Variants in SORCS2 observed in about 807,000 individuals in gnomAD.
SORCS2 encodes sortilin related VPS10 domain containing receptor 2, also known as VPS10 domain-containing receptor SorCS2.
In SORCS2, 100 loss-of-function variants were observed where a neutral mutation model predicts 141.6. That is an observed-to-expected ratio of 0.71 (90% CI 0.60 to 0.83). The LOEUF (loss-of-function observed/expected upper bound fraction) is 0.83. Ranked by LOEUF, SORCS2 falls within the 40% of genes least tolerant of loss-of-function variation. SORCS2 has a pLI of 0.00. For missense variants in SORCS2, 1,646 were observed against 1,560.2 expected (o/e 1.05, Z -0.93); for synonymous variants, 789 against 676.9 (o/e 1.17, Z -2.57).
chr4:7,729,221 T>G (rs542565993), intron 22 of SORCS2, among the ~76,000 whole-genome samples: 20 of 152,138 alleles, frequency 1.3e-4, no homozygotes, highest in African/African-American at 4.6e-4. Context: ...TGGGGCCCGG[T>G]CACAGACCTG....
intron 3 of SORCS2, among the ~76,000 whole-genome samples, chr4:7,534,700 A>G (rs1711964108): frequency 6.6e-6 from 1 of 152,144 alleles, no homozygotes; most frequent in African/African-American, 2.4e-5. Flanking sequence ...GCCACAAGCC[A>G]AGGAAAGCAG....
At chr4:7,278,500 C>T (rs1236591684) in intron 1 of SORCS2, among the ~76,000 whole-genome samples, 1 of 152,228 alleles carries the variant, frequency 6.6e-6, no homozygotes, top group South Asian at 2.1e-4. Flanking sequence ...CTTAGCCCTC[C>T]CTTTCCCACA....
At chr4:7,452,554 G>A (rs933896746) in intron 2 of SORCS2, among the ~76,000 whole-genome samples, 1 of 152,206 alleles carries the variant, frequency 6.6e-6, no homozygotes, top group African/African-American at 2.4e-5. Context: ...CGGGAGCCCT[G>A]CCCCAGCCTT....
chr4:7,356,633 C>A (rs907613393), intron 1 of SORCS2, among the ~76,000 whole-genome samples: 1 of 152,240 alleles, frequency 6.6e-6, no homozygotes, highest in African/African-American at 2.4e-5. Flanking sequence ...TACCGTTACA[C>A]TGGGAATTAG....
At chr4:7,631,289 G>T (rs1719876184) in intron 3 of SORCS2, among the ~76,000 whole-genome samples, 1 of 151,400 alleles carries the variant, frequency 6.6e-6, no homozygotes, top group African/African-American at 2.4e-5. Flanking sequence ...CCAAGCAGGA[G>T]ACCAGATGGG....
intron 1 of SORCS2, among the ~76,000 whole-genome samples, chr4:7,344,076 G>T (rs1201180904): frequency 6.6e-6 from 1 of 152,240 alleles, no homozygotes; most frequent in African/African-American, 2.4e-5. Context: ...GACACGGGAG[G>T]TATGGGGTGG....
intron 2 of SORCS2, among the ~76,000 whole-genome samples, chr4:7,402,635 G>A (rs1724664753): frequency 6.6e-6 from 1 of 152,194 alleles, no homozygotes; most frequent in Non-Finnish European, 1.5e-5. Flanking sequence ...CCAGTCAGAT[G>A]CTTGGATAGG....
At chr4:7,445,222 C>T (rs61602936) in intron 2 of SORCS2, among the ~76,000 whole-genome samples, 31,668 of 151,972 alleles carry the variant, frequency 0.21, 3,801 homozygotes, top group African/African-American at 0.35. Context: ...GGCACCCTTG[C>T]AACAGATACT....
Position 7,676,042 on chromosome 4 carries a change from C to A in SORCS2, c.1162-8C>A. The A allele has an allele frequency of 6.4e-7, 1 of 1,573,118 alleles. No individual in the cohort carries two copies. The highest frequency in any genetic ancestry group is 1.2e-5 in the South Asian group (1 of 85,560). The stretch of plus-strand genomic sequence containing the variant: ...CTCTGACCCTGTGCTCCCTGCACAT[C>A]CCCACAGGATCTGCAGATCATCAGC... On this transcript the variant is annotated splice_region_variant and splice_polypyrimidine_tract_variant and intron_variant, in intron 8 of 26. Coordinates refer to ENST00000507866, the MANE Select transcript of SORCS2 (RefSeq NM_020777.3).
intron 2 of SORCS2, among the ~76,000 whole-genome samples, chr4:7,529,223 T>C (rs985167260): frequency 6.6e-6 from 1 of 152,170 alleles, no homozygotes; most frequent in Non-Finnish European, 1.5e-5. Flanking sequence ...AAACATCACC[T>C]TGTCTAAGGG....
chr4:7,496,465 G>C (rs55921181), intron 2 of SORCS2, among the ~76,000 whole-genome samples: 50 of 83,572 alleles, frequency 6.0e-4, no homozygotes, highest in African/African-American at 2.1e-3. Flanking sequence ...CCCGTCCCCC[G>C]TCCCCCGTCC....
At chr4:7,549,168 G>T (rs950765582) in intron 3 of SORCS2, among the ~76,000 whole-genome samples, 1 of 152,134 alleles carries the variant, frequency 6.6e-6, no homozygotes, top group South Asian at 2.1e-4. Context: ...CCCAGCAAGC[G>T]ATGCTGCTCT....
rs541427096 is a variant in SORCS2 at position 7,505,289 on chromosome 4, G to A, written c.549-26241G>A. On this transcript the variant is annotated intron_variant, in intron 2 of 26. Coordinates refer to ENST00000507866, the MANE Select transcript of SORCS2 (RefSeq NM_020777.3). ...CCAGTGGGGCAGCTGGGGCTTCCAC[G>A]GAGGGACATAGGTGGCCGGCGGGGA... 7.2e-4 allele frequency among the ~76,000 whole-genome samples: 110 copies of A among 152,318 alleles called. No individual in the cohort carries two copies. The East Asian group carries it at 0.015, about 20-fold the overall frequency.
In SORCS2 at chr4:7,718,138, C is replaced by T. The variant is rs561816984; in HGVS notation, c.2379C>T (p.Ala793=). 5.6e-6 allele frequency: 9 copies of T among 1,611,682 alleles called. No individual in the cohort carries two copies. Among genetic ancestry groups the T allele is most frequent in the African/African-American group, 1.3e-5 (1 of 74,860 alleles). Residue 793 remains alanine, a synonymous_variant, in exon 18 of 27, where the codon GCC becomes GCT. Coordinates refer to ENST00000507866, the MANE Select transcript of SORCS2 (RefSeq NM_020777.3). ...TCAGCATTCAAGGCGAGGCGGTGGC[C>T]GTGCGGCCTGGAGAGGACGTCCTGT... ...LQVSIQGEAV[A]VRPGEDVLFV...
intron 2 of SORCS2, among the ~76,000 whole-genome samples, chr4:7,463,288 G>A (rs2109328569): frequency 6.6e-6 from 1 of 152,300 alleles, no homozygotes; most frequent in East Asian, 1.9e-4. Flanking sequence ...CAGAAAATGG[G>A]GCTGTGGTAT....
At chr4:7,696,916 A>C (rs1057060476) in intron 11 of SORCS2, among the ~76,000 whole-genome samples, 1 of 152,082 alleles carries the variant, frequency 6.6e-6, no homozygotes, top group African/African-American at 2.4e-5. Flanking sequence ...CATGCTTCTT[A>C]TTTGTGGACC....
At chr4:7,291,854 C>T (rs1390475070) in intron 1 of SORCS2, among the ~76,000 whole-genome samples, 1 of 152,228 alleles carries the variant, frequency 6.6e-6, no homozygotes, top group Non-Finnish European at 1.5e-5. Flanking sequence ...GTCACCTAGC[C>T]CATAAATGAC....
chr4:7,434,886 C>G, intron 2 of SORCS2: 1 of 1,544,678 alleles, frequency 6.5e-7, no homozygotes, highest in Non-Finnish European at 8.7e-7. Context: ...GCATGCTGCC[C>G]AGGGACTCTC....
chr4:7,516,813 C>T (rs1300475778), intron 2 of SORCS2, among the ~76,000 whole-genome samples: 3 of 152,178 alleles, frequency 2.0e-5, no homozygotes, highest in Non-Finnish European at 4.4e-5. Context: ...TCCACGTTTG[C>T]AGGTACAGGT....
Sources: gnomAD v4.1 joint callset for allele counts (sites outside exome capture counted in the v4.1 genomes callset) on GRCh38, gnomAD v4.1.1 for gene constraint, MANE v1.5 for transcripts, NCBI Gene and HGNC (gene_info 2026-07-23, HGNC 2026-07-21) for gene names.